The following KIAA1217 variants were observed in gnomAD, a reference collection of about 807,000 sequenced individuals.
KIAA1217 encodes the protein KIAA1217.
In KIAA1217, 88 loss-of-function variants were observed where a neutral mutation model predicts 163.9. The observed-to-expected ratio is 0.54, with a 90% CI of 0.45 to 0.64. The LOEUF (loss-of-function observed/expected upper bound fraction) is 0.64. Ranked by LOEUF, KIAA1217 falls within the 30% of genes least tolerant of loss-of-function variation. The pLI is 0.00. For synonymous variants in KIAA1217, 903 were observed against 923.1 expected (o/e 0.98, Z 0.39); for missense variants, 2,372 against 2,475.0 (o/e 0.96, Z 0.88).
At chr10:24,018,642 G>T (rs1035326564) in intron 2 of KIAA1217, among the ~76,000 whole-genome samples, 1 of 151,786 alleles carries the variant, frequency 6.6e-6, no homozygotes, top group Non-Finnish European at 1.5e-5. Flanking sequence ...CTAGAAAACC[G>T]TAGAGATATT....
At chr10:24,516,411 T>C (rs2070171714) in intron 10 of KIAA1217, among the ~76,000 whole-genome samples, 1 of 152,256 alleles carries the variant, frequency 6.6e-6, no homozygotes, top group Admixed American at 6.5e-5. Context: ...GATTGGAAGA[T>C]TCTGTAAGAG....
intron 2 of KIAA1217, among the ~76,000 whole-genome samples, chr10:24,009,530 C>T (rs1473850064): frequency 6.6e-6 from 1 of 152,156 alleles, no homozygotes; most frequent in Non-Finnish European, 1.5e-5. Context: ...TGCTACAAAA[C>T]AATAGCTACT....
At chr10:24,351,501 A>C (rs1046656193) in intron 2 of KIAA1217, among the ~76,000 whole-genome samples, 1 of 152,092 alleles carries the variant, frequency 6.6e-6, no homozygotes, top group African/African-American at 2.4e-5. Context: ...CCTGCTACCC[A>C]CTGTGCAATG....
At chr10:23,871,433 T>C (rs7919189) in intron 1 of KIAA1217, among the ~76,000 whole-genome samples, 46,968 of 151,882 alleles carry the variant, frequency 0.31, 9,605 homozygotes, top group African/African-American at 0.59. Flanking sequence ...CCTTCCTGGC[T>C]CCCACTATGA....
intron 1 of KIAA1217, among the ~76,000 whole-genome samples, chr10:23,790,479 GCATATATA>G (rs1257240397): frequency 2.0e-5 from 2 of 99,418 alleles, no homozygotes; most frequent in East Asian, 2.4e-4. Context: ...ATATACATGT[GCATATATA>G]CATATATACA....
chr10:24,013,381 T>A (rs1430317607), intron 2 of KIAA1217, among the ~76,000 whole-genome samples: 1 of 151,804 alleles, frequency 6.6e-6, no homozygotes, highest in Non-Finnish European at 1.5e-5. Context: ...TAATTATATA[T>A]TAAATAAGGT....
intron 2 of KIAA1217, among the ~76,000 whole-genome samples, chr10:24,046,896 T>A (rs940544011): frequency 3.3e-5 from 5 of 152,214 alleles, no homozygotes; most frequent in Non-Finnish European, 7.3e-5. Flanking sequence ...AAAAAGCAAT[T>A]CACTCATCAG....
intron 2 of KIAA1217, among the ~76,000 whole-genome samples, chr10:24,086,326 C>A (rs1409085926): frequency 6.6e-6 from 1 of 152,214 alleles, no homozygotes; most frequent in Non-Finnish European, 1.5e-5. Context: ...GGAGTAGCCA[C>A]CCTCATGTTT....
intron 3 of KIAA1217, among the ~76,000 whole-genome samples, chr10:24,429,957 A>T (rs2059460167): frequency 6.6e-6 from 1 of 152,180 alleles, no homozygotes; most frequent in Non-Finnish European, 1.5e-5. Flanking sequence ...AGCCTAGGCA[A>T]CATGGCAAAA....
chr10:23,950,004 A>C (rs376194022), intron 1 of KIAA1217, among the ~76,000 whole-genome samples: 2 of 152,182 alleles, frequency 1.3e-5, no homozygotes, highest in Admixed American at 6.5e-5. Context: ...TGATTTTATC[A>C]TCTCAAGCGT....
chr10:24,513,431 TGTG>T lies in KIAA1217; in HGVS notation c.2177+1_2177+3del. The T allele has an allele frequency of 6.2e-7, 1 of 1,613,988 alleles. No individual in the cohort carries two copies. Among genetic ancestry groups the T allele is most frequent in the Non-Finnish European group, 8.5e-7 (1 of 1,179,886 alleles). The stretch of plus-strand genomic sequence containing the variant: ...GAGGAAGAGAAGATCGTCAAGAAGT[TGTG>T]GTGAGTGCCAGTCACTTGCATGTTG... On this transcript the variant is annotated inframe_deletion and splice_region_variant, in exon 10 of 21. Transcript: ENST00000376454.
In KIAA1217 at chr10:24,365,075, GGTTACAGGA is replaced by G. The variant is rs1173966305; in HGVS notation, c.355-15791_355-15783del. On this transcript the variant is annotated intron_variant, in intron 2 of 20. Coordinates refer to ENST00000376454, the MANE Select transcript of KIAA1217 (RefSeq NM_019590.5). ...CTGTCTCAGCCTCCCAAAGTGCTGG[GGTTACAGGA>G]GTGAGCCACCTCACCCATCCTCCCC... Among the ~76,000 whole-genome samples the G allele has an allele frequency of 5.3e-5, 8 of 152,228 alleles. No individual in the cohort carries two copies. In the East Asian group the frequency reaches 1.5e-3, roughly 29 times the overall value.
chr10:23,915,640 T>A (rs1420197784), intron 1 of KIAA1217, among the ~76,000 whole-genome samples: 2 of 152,164 alleles, frequency 1.3e-5, no homozygotes, highest in Non-Finnish European at 2.9e-5. Flanking sequence ...TTTCTGCAAC[T>A]TTTCTGGAAA....
chr10:24,292,513 G>A (rs1001956308), intron 2 of KIAA1217, among the ~76,000 whole-genome samples: 2 of 152,180 alleles, frequency 1.3e-5, no homozygotes, highest in African/African-American at 4.8e-5. Flanking sequence ...AAAGAGAAGG[G>A]TAGGGAGGCC....
chr10:24,505,910 A>C (rs1399259881), intron 9 of KIAA1217, among the ~76,000 whole-genome samples: 1 of 152,066 alleles, frequency 6.6e-6, no homozygotes, highest in Non-Finnish European at 1.5e-5. Flanking sequence ...CCAGGGTCTC[A>C]TTTATCTTCT....
intron 2 of KIAA1217, among the ~76,000 whole-genome samples, chr10:24,235,331 A>G (rs1360650113): frequency 6.6e-6 from 1 of 152,242 alleles, no homozygotes; most frequent in Non-Finnish European, 1.5e-5. Flanking sequence ...TGAATGGATA[A>G]TTTCTAAAAA....
intron 1 of KIAA1217, among the ~76,000 whole-genome samples, chr10:23,829,746 G>A (rs546803576): frequency 2.2e-4 from 34 of 152,162 alleles, no homozygotes; most frequent in African/African-American, 7.5e-4. Flanking sequence ...TATTACATAC[G>A]TAATCTTTTT....
At chr10:24,089,344 G>A (rs2061836140) in intron 2 of KIAA1217, among the ~76,000 whole-genome samples, 1 of 124,978 alleles carries the variant, frequency 8.0e-6, no homozygotes, top group Admixed American at 7.7e-5. Flanking sequence ...CATTGCTTTT[G>A]GTGTTTTAGT....
At position 24,040,473 on chromosome 10, in the gene KIAA1217, T is replaced by C. The variant is rs570611489; in HGVS notation, c.-171+33099T>C. Among the ~76,000 whole-genome samples the C allele has an allele frequency of 5.3e-4, 81 of 152,298 alleles. 2 individuals carry two copies. The Middle Eastern group carries it at 0.01, about 19-fold the overall frequency. On this transcript the variant is annotated intron_variant, in intron 2 of 18. Coordinates refer to the KIAA1217 transcript ENST00000376462. The stretch of plus-strand genomic sequence containing the variant: ...GAAAGCAATTGTTCTTGGGCAGACA[T>C]AAAAGATAATTTGGAGAAATGAAAG...
Sources: gnomAD v4.1 joint callset for allele counts (sites outside exome capture counted in the v4.1 genomes callset) on GRCh38, gnomAD v4.1.1 for gene constraint, MANE v1.5 for transcripts, NCBI Gene and HGNC (gene_info 2026-07-23, HGNC 2026-07-21) for gene names.